Variants in POLR2J observed in about 807,000 individuals in gnomAD.
POLR2J encodes the protein DNA-directed RNA polymerase II subunit RPB11-a.
In POLR2J, 12 loss-of-function variants were observed where a neutral mutation model predicts 13.4. The observed-to-expected ratio is 0.90, with a 90% CI of 0.57 to 1.45. The LOEUF is 1.45. POLR2J is among the 40% of genes most tolerant of loss of function. The pLI, the probability that POLR2J is intolerant of heterozygous loss-of-function variation, is 0.00. For missense variants in POLR2J, 58 were observed against 132.0 expected, an observed-to-expected ratio of 0.44 and a Z score of 2.75; for synonymous variants, 31 against 53.6, an observed-to-expected ratio of 0.58 and a Z score of 1.84.
chr7:102,478,481 G>A (rs1282855590), intron 1 of POLR2J, among the ~76,000 whole-genome samples: 1 of 151,862 alleles, frequency 6.6e-6, no homozygotes, highest in African/African-American at 2.4e-5. Flanking sequence ...AAGGATGGAG[G>A]TGGCGGGCGA....
intron 3 of POLR2J, chr7:102,474,027 A>G (rs1237614801): frequency 4.2e-6 from 6 of 1,441,016 alleles, no homozygotes; most frequent in African/African-American, 1.4e-5. Flanking sequence ...GCTGCCTCCC[A>G]GAGACCTGGA....
At chr7:102,475,048 TCTC>T (rs1798385735) in intron 2 of POLR2J, among the ~76,000 whole-genome samples, 1 of 151,104 alleles carries the variant, frequency 6.6e-6, no homozygotes, top group Admixed American at 6.6e-5. Flanking sequence ...CACGCAGGGG[TCTC>T]CTCTAGAGCG....
chr7:102,475,126 C>G (rs1798388950), intron 2 of POLR2J, among the ~76,000 whole-genome samples: 1 of 152,230 alleles, frequency 6.6e-6, no homozygotes, highest in Non-Finnish European at 1.5e-5. Flanking sequence ...AGCTCAAGAG[C>G]AGGGGAGCAG....
At chr7:102,474,124 C>A in intron 3 of POLR2J, 1 of 1,492,472 alleles carries the variant, frequency 6.7e-7, no homozygotes, top group Admixed American at 2.3e-5. Context: ...TGGCCCACAG[C>A]ACCCGAGGGA....
Position 102,473,323 on chromosome 7 carries a change from C to G in POLR2J, c.*326G>C, listed in dbSNP as rs576326388. 979 of 569,240 alleles carry G rather than the reference C, an allele frequency of 1.7e-3. No homozygotes were observed. The highest frequency in any genetic ancestry group is 2.7e-3 in the Non-Finnish European group (883 of 330,942). 35.3% of individuals were successfully genotyped at this position (569,240 alleles called of 1,614,324 possible). ...CTCAGCACAGCCCCCGCAGCAGCCC[C>G]TGGACCCCGGATCTTTGGTCCAGAA... On this transcript the variant is annotated 3_prime_UTR_variant, in exon 4 of 4. Coordinates refer to ENST00000292614, the MANE Select transcript of POLR2J (RefSeq NM_006234.6).
rs200998035 is a variant in POLR2J, at chr7:102,473,656, A to G, written c.347T>C (p.Ile116Thr). ...RVAIKDKQEG[I>T]E is the part of the protein sequence containing the mutation. ...CAGAGCCCCCTCTGGCCCCTACTCA[A>G]TTCCTTCCTGCTTGTCTTTTATGGC... The change falls in exon 4 of 4, where the codon ATT becomes ACT. Residue 116 changes from isoleucine to threonine, a missense_variant. By Grantham distance (89) the Ile-to-Thr change is moderately conservative. Around this residue, in one of 4 missense-constraint regions of POLR2J, gnomAD observed 18 missense variants for 16.0 expected, o/e 1.12. Transcript: ENST00000292614. 2.5e-5 allele frequency: 40 copies of G among 1,612,962 alleles called. No individual in the cohort carries two copies. Among genetic ancestry groups the G allele is most frequent in the Admixed American group, 8.4e-5 (5 of 59,878 alleles).
At chr7:102,475,556 C>T (rs1173018377) in intron 2 of POLR2J, among the ~76,000 whole-genome samples, 1 of 152,146 alleles carries the variant, frequency 6.6e-6, no homozygotes, top group Non-Finnish European at 1.5e-5. Context: ...TTTTCAATGC[C>T]CCTCAGCATG....
rs956395904 is a variant in POLR2J, at chr7:102,473,137, A to G, written c.*512T>C. On this transcript the variant is annotated 3_prime_UTR_variant, in exon 4 of 4. Transcript: ENST00000292614. ...GGGGTGGGGGGGGGTCTTTCAGTGA[A>G]TATTTTTATTAAACTCTACTGTGGA... is the stretch of plus-strand genomic sequence containing the variant. 13 of 1,403,638 alleles carry G rather than the reference A, an allele frequency of 9.3e-6. No individual in the cohort carries two copies. Among genetic ancestry groups the G allele is most frequent in the Non-Finnish European group, 1.3e-5 (13 of 1,033,868 alleles). The allele number at this position is 1,403,638 out of a possible 1,614,324, so 86.9% of individuals were successfully genotyped here. A position where few individuals can be genotyped will look rare whatever the true frequency, so the allele number is the denominator to read the frequency against.
Position 102,473,161 on chromosome 7 carries a change from G to A in POLR2J, c.*488C>T, listed in dbSNP as rs1798277480. 6 of 1,249,014 alleles carry A rather than the reference G, an allele frequency of 4.8e-6. No homozygotes were observed. The highest frequency in any genetic ancestry group is 5.5e-6 in the Non-Finnish European group (5 of 906,756). The allele number at this position is 1,249,014 out of a possible 1,614,324, so 77.4% of individuals were successfully genotyped here. Reference sequence around the variant, plus strand: ...AATATTTTTATTAAACTCTACTGTGGACAAGAAGCCTGTGGAAAGGTGTTT... The same window carrying A: ...AATATTTTTATTAAACTCTACTGTGAACAAGAAGCCTGTGGAAAGGTGTTT... On this transcript the variant is annotated 3_prime_UTR_variant, in exon 4 of 4. Coordinates refer to ENST00000292614, the MANE Select transcript of POLR2J (RefSeq NM_006234.6).
intron 3 of POLR2J, 43 bp downstream of exon 3, chr7:102,474,318 G>C (rs775344915): frequency 3.1e-6 from 5 of 1,611,836 alleles, no homozygotes; most frequent in Middle Eastern, 2.2e-4. Flanking sequence ...ACACGGGCCA[G>C]TGTCCAGCCC....
chr7:102,473,849 C>T, intron 3 of POLR2J, 165 bp from the exon 4 acceptor site: 4 of 1,449,630 alleles, frequency 2.8e-6, no homozygotes, highest in South Asian at 1.5e-5. Flanking sequence ...CTGGCCCAAT[C>T]CAGCCATTCT....
Position 102,476,480 on chromosome 7 carries a change from GAAAA to G in POLR2J, c.54-214_54-211del, listed in dbSNP as rs567394344. ...ACCCTGCCTGTACTAAAAATACAAA[GAAAA>G]AAAAAATTAGCTGAGTGTGGTGATC... is the stretch of plus-strand genomic sequence containing the variant. On this transcript the variant is annotated intron_variant, in intron 1 of 3. Coordinates refer to ENST00000292614, the MANE Select transcript of POLR2J (RefSeq NM_006234.6). Among the ~76,000 whole-genome samples, 532 of 147,162 alleles carry G rather than the reference GAAAA, an allele frequency of 3.6e-3. 7 individuals are homozygous for G. The highest frequency in any genetic ancestry group is 0.014 in the African/African-American group (511 of 37,358).
intron 1 of POLR2J, 56 bp downstream of exon 1, chr7:102,478,752 G>A (rs1798499636): frequency 1.9e-6 from 3 of 1,606,172 alleles, no homozygotes; most frequent in Non-Finnish European, 2.5e-6. Flanking sequence ...AGACACCCCA[G>A]AATGCGACAG....
chr7:102,473,689 G>A lies in POLR2J; in HGVS notation c.319-5C>T. 2.5e-6 allele frequency: 4 copies of A among 1,613,868 alleles called. No individual in the cohort carries two copies. Among genetic ancestry groups the A allele is most frequent in the East Asian group, 2.2e-5 (1 of 44,852 alleles). On this transcript the variant is annotated splice_region_variant and splice_polypyrimidine_tract_variant and intron_variant, in intron 3 of 3. Transcript: ENST00000292614. ...CTGCTTGTCTTTTATGGCCACCTGG[G>A]AGAGAAGAAGGTGGTGGAGACTGAG...
At chr7:102,476,373 G>C in intron 1 of POLR2J, 103 bp from the exon 2 acceptor site, 2 of 573,740 alleles carry the variant, frequency 3.5e-6, no homozygotes, top group Middle Eastern at 9.6e-4. Context: ...GCTCGTGCCT[G>C]TAATCCCAAC....
chr7:102,474,236 T>C, intron 3 of POLR2J, 125 bp downstream of exon 3: 3 of 1,586,832 alleles, frequency 1.9e-6, no homozygotes, highest in Non-Finnish European at 2.6e-6. Context: ...TGGAAGTCCC[T>C]GCTCTTCCAT....
Position 102,473,146 on chromosome 7 carries a change from T to G in POLR2J, c.*503A>C. 1 of 1,355,008 alleles carries G rather than the reference T, an allele frequency of 7.4e-7. No individual in the cohort carries two copies. Among genetic ancestry groups the G allele is most frequent in the Non-Finnish European group, 1.0e-6 (1 of 991,804 alleles). The allele number at this position is 1,355,008 out of a possible 1,614,324, so 83.9% of individuals were successfully genotyped here. Reference sequence around the variant, plus strand: ...GGGGGTCTTTCAGTGAATATTTTTATTAAACTCTACTGTGGACAAGAAGCC... The same window carrying G: ...GGGGGTCTTTCAGTGAATATTTTTAGTAAACTCTACTGTGGACAAGAAGCC... On this transcript the variant is annotated 3_prime_UTR_variant, in exon 4 of 4. Coordinates refer to ENST00000292614, the MANE Select transcript of POLR2J (RefSeq NM_006234.6).
intron 2 of POLR2J, among the ~76,000 whole-genome samples, chr7:102,475,941 CAG>C (rs1798419390): frequency 9.9e-6 from 1 of 101,448 alleles, no homozygotes. Flanking sequence ...AACAAACAAA[CAG>C]TGAATGTAAA....
chr7:102,474,604 C>T lies in POLR2J; in HGVS notation c.144-69G>A. On this transcript the variant is annotated intron_variant, in intron 2 of 3. Coordinates refer to ENST00000292614, the MANE Select transcript of POLR2J (RefSeq NM_006234.6). ...AAGCTGGGTAGCAGCCAGCTCAGAG[C>T]AGAAGAACAGACTTTCTAGCCAAAA... 8 of 1,397,712 alleles carry T rather than the reference C, an allele frequency of 5.7e-6. 1 individual carries two copies. The highest frequency in any genetic ancestry group is 7.8e-6 in the Non-Finnish European group (8 of 1,020,290). The allele number at this position is 1,397,712 out of a possible 1,614,324, so 86.6% of individuals were successfully genotyped here. A position where few individuals can be genotyped will look rare whatever the true frequency, so the allele number is the denominator to read the frequency against.
Sources: allele counts gnomAD v4.1 joint callset (sites outside exome capture counted in the v4.1 genomes callset), GRCh38; gene constraint gnomAD v4.1.1; regional missense constraint gnomAD v4.1.1; transcripts MANE v1.5; gene names NCBI Gene and HGNC (gene_info 2026-07-23, HGNC 2026-07-21).